Variants in EVC2 observed in about 807,000 individuals in gnomAD.
EVC2 encodes limbin.
Under a neutral mutation model 149.3 loss-of-function variants are expected in EVC2, and 148 were observed. That is an observed-to-expected ratio of 0.99 (90% CI 0.87 to 1.14). The LOEUF is 1.14. Ranked by LOEUF, EVC2 falls within the 50% of genes most tolerant of loss-of-function variation. EVC2 has a pLI of 0.00. For synonymous variants in EVC2, 776 were observed against 649.9 expected, an observed-to-expected ratio of 1.19 and a Z score of -2.95; for missense variants, 1,854 against 1,627.3, an observed-to-expected ratio of 1.14 and a Z score of -2.40.
chr4:5,654,129 A>G (rs1718339438), intron 9 of EVC2, among the ~76,000 whole-genome samples: 1 of 152,138 alleles, frequency 6.6e-6, no homozygotes, highest in African/African-American at 2.4e-5. Flanking sequence ...CAGGAGAATC[A>G]CTTGAACCTA....
At chr4:5,565,558 G>C (rs1386257095) in intron 20 of EVC2, among the ~76,000 whole-genome samples, 199 bp from the exon 21 acceptor site, 1 of 151,690 alleles carries the variant, frequency 6.6e-6, no homozygotes, top group East Asian at 1.9e-4. Flanking sequence ...TGTAATCCCA[G>C]CTACTCCGGA....
At chr4:5,669,879 G>C (rs1719522952) in intron 7 of EVC2, among the ~76,000 whole-genome samples, 1 of 152,136 alleles carries the variant, frequency 6.6e-6, no homozygotes, top group Non-Finnish European at 1.5e-5. Flanking sequence ...CTAGGAAGAG[G>C]GAAAAACCAG....
intron 7 of EVC2, among the ~76,000 whole-genome samples, chr4:5,672,305 CAG>C (rs1719698995): frequency 6.6e-6 from 1 of 152,206 alleles, no homozygotes; most frequent in Non-Finnish European, 1.5e-5. Context: ...CCCAGCCTGA[CAG>C]AGCCTTCGAG....
At chr4:5,628,536 G>A (rs778748674) in intron 12 of EVC2, 23 bp downstream of exon 12, 2 of 1,613,964 alleles carry the variant, frequency 1.2e-6, no homozygotes, top group South Asian at 2.2e-5. Context: ...AGTTCGCACT[G>A]TTGGGACAGT....
chr4:5,651,917 A>G (rs889132570), intron 9 of EVC2, among the ~76,000 whole-genome samples: 1 of 152,208 alleles, frequency 6.6e-6, no homozygotes, highest in Non-Finnish European at 1.5e-5. Context: ...ATCCATGACA[A>G]CCTTGCATAT....
intron 15 of EVC2, among the ~76,000 whole-genome samples, chr4:5,616,886 C>G (rs73198129): frequency 6.6e-6 from 1 of 152,330 alleles, no homozygotes; most frequent in Non-Finnish European, 1.5e-5. Context: ...TTGGGTGACT[C>G]TGAAGGCAGA....
At chr4:5,591,169 T>A (rs1712760343) in intron 16 of EVC2, among the ~76,000 whole-genome samples, 1 of 152,222 alleles carries the variant, frequency 6.6e-6, no homozygotes, top group Admixed American at 6.5e-5. Flanking sequence ...TAAATATTCA[T>A]GACTCCTCCT....
chr4:5,534,010 C>T, the EVC2 span, among the ~76,000 whole-genome samples: 7 of 152,156 alleles, frequency 4.6e-5, no homozygotes, highest in African/African-American at 9.7e-5. Flanking sequence ...ATATCCTTCA[C>T]GGTCTCATAG....
chr4:5,706,449 C>CATAG lies in EVC2; in HGVS notation c.228+1836_228+1837insCTAT, dbSNP rs1560243887. ...AGATACATAGATAGATAGATAGATA[C>CATAG]ATACATACATACATACATACATACA... On this transcript the variant is annotated intron_variant, in intron 1 of 21. Transcript: ENST00000344408. Among the ~76,000 whole-genome samples the CATAG allele has an allele frequency of 7.3e-3, 262 of 36,046 alleles. 5 individuals carry two copies. The highest frequency in any genetic ancestry group is 0.028 in the East Asian group (26 of 936). The allele number at this position is 36,046 out of a possible 152,430, so 23.6% of individuals were successfully genotyped here.
chr4:5,636,226 A>C lies in EVC2; in HGVS notation c.1471-4194T>G, dbSNP rs530212671. On this transcript the variant is annotated intron_variant, in intron 10 of 21. Coordinates refer to ENST00000344408, the MANE Select transcript of EVC2 (RefSeq NM_147127.5). This position sits in a 1 kb window ranked among gnomAD's most constrained non-coding sequence, Gnocchi z 4.6. ...CCCCAGCAACCTGCCTTCTGTGCCTATATCCCCCAATACTCTCCCCAAGGT... is the reference window on the plus strand; with the variant it reads ...CCCCAGCAACCTGCCTTCTGTGCCTCTATCCCCCAATACTCTCCCCAAGGT... Among the ~76,000 whole-genome samples the C allele has an allele frequency of 6.6e-6, 1 of 152,174 alleles. No individual in the cohort carries two copies. Among genetic ancestry groups the C allele is most frequent in the Non-Finnish European group, 1.5e-5 (1 of 68,042 alleles).
At chr4:5,560,523 G>A (rs753379467), downstream of EVC2, among the ~76,000 whole-genome samples, 6 of 152,052 alleles carry the variant, frequency 3.9e-5, no homozygotes, top group East Asian at 5.8e-4. The surrounding 1 kb of genome is among the most constrained non-coding windows in gnomAD (Gnocchi z 4.1). Context: ...ACTCACTCAC[G>A]AGAACAGTAC....
chr4:5,707,983 A>C, intron 1 of EVC2: 3 of 246,850 alleles, frequency 1.2e-5, no homozygotes, highest in African/African-American at 2.2e-5. Flanking sequence ...ACGATCAGGA[A>C]ACTGGGGCAC....
At chr4:5,558,091 A>G (rs547095638), downstream of EVC2, among the ~76,000 whole-genome samples, 4 of 152,304 alleles carry the variant, frequency 2.6e-5, no homozygotes, top group African/African-American at 9.6e-5. Context: ...TGGAATGCCA[A>G]AAGATCTACA....
intron 21 of EVC2, among the ~76,000 whole-genome samples, chr4:5,551,197 A>G (rs1721730643): frequency 6.6e-6 from 1 of 152,158 alleles, no homozygotes. Context: ...TGGTAGATCC[A>G]CTGACAGCTT....
At chr4:5,621,778 G>C (rs1715705523) in intron 14 of EVC2, among the ~76,000 whole-genome samples, 1 of 152,216 alleles carries the variant, frequency 6.6e-6, no homozygotes, top group Non-Finnish European at 1.5e-5. Flanking sequence ...GGGAGGCTGA[G>C]GCGGGAGGAT....
chr4:5,602,291 T>TAAAAAAAAA (rs571933194), intron 16 of EVC2, among the ~76,000 whole-genome samples: 18 of 81,686 alleles, frequency 2.2e-4, no homozygotes, highest in African/African-American at 5.0e-4. Flanking sequence ...CATTGCCTCT[T>TAAAAAAAAA]AAAAAAAAAA....
In EVC2 at chr4:5,686,260, G is replaced by A. The variant is rs1308547956; in HGVS notation, c.707-781C>T. ...TATTTCTGAGACAGGCTCTCTCTAT[G>A]TTGCCCAGACTAGTCTCGAACTCCC... is the stretch of plus-strand genomic sequence containing the variant. On this transcript the variant is annotated intron_variant, in intron 5 of 21. Transcript: ENST00000344408. This position sits in a 1 kb window ranked among gnomAD's most constrained non-coding sequence, Gnocchi z 5.4. Among the ~76,000 whole-genome samples the A allele has an allele frequency of 6.6e-6, 1 of 151,946 alleles. No individual in the cohort carries two copies. Among genetic ancestry groups the A allele is most frequent in the African/African-American group, 2.4e-5 (1 of 41,324 alleles).
rs1320512292 is a variant in EVC2 at position 5,640,922 on chromosome 4, T to C, written c.1146-84A>G. The stretch of plus-strand genomic sequence containing the variant: ...GTCTTTCAAAGCTCTGAGGTTTTCA[T>C]TTATGTGTAGGCAAGGGCTTTCTTC... On this transcript the variant is annotated intron_variant, in intron 9 of 21. Coordinates refer to ENST00000344408, the MANE Select transcript of EVC2 (RefSeq NM_147127.5). The surrounding 1 kb of genome is among the most constrained non-coding windows in gnomAD (Gnocchi z 4.6). The C allele has an allele frequency of 4.2e-5, 63 of 1,504,236 alleles. No individual in the cohort carries two copies. The highest frequency in any genetic ancestry group is 5.2e-5 in the Non-Finnish European group (57 of 1,085,794). 93.2% of individuals were successfully genotyped at this position (1,504,236 alleles called of 1,614,324 possible). A position where few individuals can be genotyped will look rare whatever the true frequency, so the allele number is the denominator to read the frequency against.
Position 5,650,638 on chromosome 4 carries a change from T to TAGAGAGAGAGAG in EVC2, c.1146-9812_1146-9801dup, listed in dbSNP as rs375595646. On this transcript the variant is annotated intron_variant, in intron 9 of 21. Coordinates refer to ENST00000344408, the MANE Select transcript of EVC2 (RefSeq NM_147127.5). ...ATATATATATATATATATATATATA[T>TAGAGAGAGAGAG]AGAGAGAGAGAGAGAGAGAGAGAGA... 1.6e-3 allele frequency among the ~76,000 whole-genome samples: 74 copies of TAGAGAGAGAGAG among 45,086 alleles called. 1 individual carries two copies. Among genetic ancestry groups the TAGAGAGAGAGAG allele is most frequent in the Admixed American group, 2.7e-3 (9 of 3,304 alleles). 29.6% of individuals were successfully genotyped at this position (45,086 alleles called of 152,430 possible).
Sources: allele counts gnomAD v4.1 joint callset (sites outside exome capture counted in the v4.1 genomes callset), GRCh38; gene constraint gnomAD v4.1.1; non-coding constraint Gnocchi (gnomAD v3.1); transcripts MANE v1.5; gene names NCBI Gene and HGNC (gene_info 2026-07-23, HGNC 2026-07-21).